TLL2: variants seen among roughly 807,000 people sequenced by gnomAD.
TLL2 encodes the protein tolloid-like protein 2.
A neutral mutation model predicts 123.0 loss-of-function variants in TLL2; 106 were observed. The ratio of observed to expected loss-of-function variants is 0.86; its 90% confidence interval spans 0.74 to 1.01. The LOEUF is 1.01. Ranked by LOEUF, TLL2 falls within the 50% of genes least tolerant of loss-of-function variation. The pLI is 0.00. For synonymous variants in TLL2, 494 were observed against 516.8 expected (o/e 0.96, Z 0.60); for missense variants, 1,332 against 1,336.7 (o/e 1.00, Z 0.06).
In TLL2 at chr10:96,405,304, A is replaced by G. The variant is rs1415042937; in HGVS notation, c.1195T>C (p.Phe399Leu). 6.2e-7 allele frequency: 1 copy of G among 1,614,070 alleles called. No homozygotes were observed. The highest frequency in any genetic ancestry group is 8.5e-7 in the Non-Finnish European group (1 of 1,180,042). ...TCATACCAGCACAGTCGGCTTTTAA[A>G]CAAATCCATGGATGTGAAGTTTAAT... Reference protein sequence around the residue: ...IVLNFTSMDLFKSRLCWYDYV... With the variant: ...IVLNFTSMDLLKSRLCWYDYV... The change falls in exon 10 of 21, where the codon TTT (phenylalanine) becomes CTT (leucine). Residue 399 changes from phenylalanine to leucine, a missense_variant. Phe to Leu is a conservative substitution (Grantham distance 22). Transcript: ENST00000357947.
chr10:96,495,067 T>C (rs561251540), intron 1 of TLL2, among the ~76,000 whole-genome samples: 5 of 152,320 alleles, frequency 3.3e-5, no homozygotes, highest in Admixed American at 3.3e-4. Flanking sequence ...TGGGGCCTGC[T>C]GTTTGTCCAC....
At chr10:96,485,738 T>A (rs2134106844) in intron 1 of TLL2, among the ~76,000 whole-genome samples, 1 of 152,344 alleles carries the variant, frequency 6.6e-6, no homozygotes, top group East Asian at 1.9e-4. Flanking sequence ...CCTTGAAATC[T>A]GACTGTCATC....
intron 9 of TLL2, among the ~76,000 whole-genome samples, chr10:96,406,380 C>A (rs1326562238): frequency 1.3e-5 from 2 of 152,140 alleles, no homozygotes; most frequent in African/African-American, 4.8e-5. Flanking sequence ...ACACCTGCTC[C>A]ATCACGTCTC....
intron 1 of TLL2, among the ~76,000 whole-genome samples, chr10:96,502,138 A>G (rs1206765104): frequency 6.6e-6 from 1 of 152,180 alleles, no homozygotes; most frequent in Admixed American, 6.5e-5. Context: ...TTGACCACAC[A>G]TAGAGTCCAG....
chr10:96,480,314 C>T, intron 2 of TLL2, 35 bp downstream of exon 2: 1 of 1,575,066 alleles, frequency 6.3e-7, no homozygotes. Flanking sequence ...TCATCCCTCC[C>T]ATCTGGGCAG....
intron 2 of TLL2, among the ~76,000 whole-genome samples, chr10:96,453,211 T>G (rs987701685): frequency 6.6e-6 from 1 of 152,168 alleles, no homozygotes; most frequent in Non-Finnish European, 1.5e-5. Context: ...ATCCCAGCAC[T>G]TCGGGAGGCA....
chr10:96,470,090 C>G (rs1847164884), intron 2 of TLL2, among the ~76,000 whole-genome samples: 1 of 152,132 alleles, frequency 6.6e-6, no homozygotes, highest in African/African-American at 2.4e-5. Context: ...ACCTAAGGAC[C>G]ACATTTTCCA....
At chr10:96,382,993 A>G (rs181832950) in intron 16 of TLL2, among the ~76,000 whole-genome samples, 4,747 of 151,746 alleles carry the variant, frequency 0.031, 271 homozygotes, top group African/African-American at 0.11. Context: ...AGGATATTCC[A>G]GGGAGAGGGA....
intron 2 of TLL2, among the ~76,000 whole-genome samples, chr10:96,466,563 C>T (rs1847133714): frequency 6.6e-6 from 1 of 152,210 alleles, no homozygotes; most frequent in Admixed American, 6.5e-5. Flanking sequence ...TGCTCAGTTT[C>T]ACACCCTTCA....
At chr10:96,456,535 C>T (rs1847017798) in intron 2 of TLL2, among the ~76,000 whole-genome samples, 1 of 152,190 alleles carries the variant, frequency 6.6e-6, no homozygotes, top group African/African-American at 2.4e-5. Context: ...CCTAAGGGCA[C>T]TGACAGTCAG....
Position 96,395,962 on chromosome 10 carries a change from C to A in TLL2, c.1443G>T (p.Pro481=). 6.2e-7 allele frequency: 1 copy of A among 1,614,166 alleles called. No individual in the cohort carries two copies. The highest frequency in any genetic ancestry group is 8.5e-7 in the Non-Finnish European group (1 of 1,180,032). ...DAGQIQSPNY[P]DDYRPSKECV... ...ATTCCTTGGAAGGTCTGTAGTCATC[C>A]GGATAGTTGGGAGATTGAATCTGAC... The change falls in exon 12 of 21, where the codon CCG becomes CCT. Residue 481 remains proline, a synonymous_variant. Transcript: ENST00000357947.
At chr10:96,426,325 A>AT (rs1242909429) in intron 5 of TLL2, among the ~76,000 whole-genome samples, 1 of 151,980 alleles carries the variant, frequency 6.6e-6, no homozygotes, top group African/African-American at 2.4e-5. Context: ...TGAGTCTATA[A>AT]TTTTTTCTTT....
rs749021261 is a variant in TLL2 at position 96,513,499 on chromosome 10, G to A, written c.175+12C>T. On this transcript the variant is annotated intron_variant, in intron 1 of 20. Coordinates refer to ENST00000357947, the MANE Select transcript of TLL2 (RefSeq NM_012465.4). ...CAAACTTCTGCGGGACTTCCCCAGC[G>A]GCGGCACCTACCGGCTTTGCAAGGG... is the stretch of plus-strand genomic sequence containing the variant. 1 of 1,611,826 alleles carries A rather than the reference G, an allele frequency of 6.2e-7. No individual in the cohort carries two copies. The highest frequency in any genetic ancestry group is 1.3e-5 in the African/African-American group (1 of 74,794).
intron 13 of TLL2, among the ~76,000 whole-genome samples, chr10:96,387,703 G>A (rs986984571): frequency 6.6e-6 from 1 of 152,108 alleles, no homozygotes; most frequent in Non-Finnish European, 1.5e-5. Context: ...AGTTAGCAGG[G>A]GCGTTGGATG....
At position 96,420,221 on chromosome 10, in the gene TLL2, C is replaced by T. The variant is rs74151327; in HGVS notation, c.923+735G>A. Among the ~76,000 whole-genome samples, 10 of 152,284 alleles carry T rather than the reference C, an allele frequency of 6.6e-5. No individual in the cohort carries two copies. In the East Asian group the frequency reaches 1.9e-3, roughly 29 times the overall value. On this transcript the variant is annotated intron_variant, in intron 7 of 20. Coordinates refer to ENST00000357947, the MANE Select transcript of TLL2 (RefSeq NM_012465.4). ...TCTCTGTGACTCCTTTAACTCAACG[C>T]TAGAAAGAACTACAAAACTGGGACA...
At chr10:96,436,152 T>C (rs1846793299) in intron 3 of TLL2, among the ~76,000 whole-genome samples, 1 of 152,248 alleles carries the variant, frequency 6.6e-6, no homozygotes, top group African/African-American at 2.4e-5. Flanking sequence ...ACTACTCAAC[T>C]CTGCCATTGT....
chr10:96,491,099 G>A (rs1245464168), intron 1 of TLL2, among the ~76,000 whole-genome samples: 1 of 152,174 alleles, frequency 6.6e-6, no homozygotes, highest in Non-Finnish European at 1.5e-5. Context: ...ATGCACATCC[G>A]GCTGGGCGCG....
At chr10:96,408,257 T>C (rs1387946357) in intron 9 of TLL2, among the ~76,000 whole-genome samples, 1 of 152,230 alleles carries the variant, frequency 6.6e-6, no homozygotes, top group African/African-American at 2.4e-5. Context: ...AATGGGATAA[T>C]TATTCAGGCT....
chr10:96,444,028 G>A (rs1009319768), intron 3 of TLL2, among the ~76,000 whole-genome samples: 5 of 152,176 alleles, frequency 3.3e-5, no homozygotes, highest in Admixed American at 6.5e-5. Flanking sequence ...AGGAAGAGGC[G>A]ATTCCCACTG....
Sources: allele counts gnomAD v4.1 joint callset (sites outside exome capture counted in the v4.1 genomes callset), GRCh38; gene constraint gnomAD v4.1.1; transcripts MANE v1.5; gene names NCBI Gene and HGNC (gene_info 2026-07-23, HGNC 2026-07-21).